Variants in INTS3 observed in about 807,000 individuals in gnomAD.
INTS3 encodes integrator complex subunit 3, also known as SOSS complex subunit A.
A neutral mutation model predicts 146.3 loss-of-function variants in INTS3; 34 were observed. That is an observed-to-expected ratio of 0.23 (90% confidence interval 0.18 to 0.31). INTS3 has a LOEUF of 0.31. Ranked by LOEUF, INTS3 falls within the 10% of genes least tolerant of loss-of-function variation. INTS3 has a pLI of 1.00. For missense variants in INTS3, 757 were observed against 1,304.2 expected, an observed-to-expected ratio of 0.58 and a Z score of 6.46; for synonymous variants, 475 against 494.9, an observed-to-expected ratio of 0.96 and a Z score of 0.53.
chr1:153,740,789 A>G (rs1671500164), intron 2 of INTS3, 55 bp downstream of exon 2: 3 of 1,370,240 alleles, frequency 2.2e-6, no homozygotes, highest in Non-Finnish European at 3.1e-6. Flanking sequence ...GTCTTGAAAC[A>G]TGGTCAAAAA....
At chr1:153,739,628 C>T (rs1007759930) in intron 1 of INTS3, among the ~76,000 whole-genome samples, 2 of 151,930 alleles carry the variant, frequency 1.3e-5, no homozygotes, top group African/African-American at 4.8e-5. Context: ...ACCACCGCAC[C>T]CAGCTAATTT....
chr1:153,740,824 G>A, intron 2 of INTS3, 90 bp downstream of exon 2: 1 of 1,026,992 alleles, frequency 9.7e-7, no homozygotes, highest in Non-Finnish European at 1.5e-6. Context: ...GTGGTTGGGG[G>A]TAGGGGACTG....
At position 153,769,839 on chromosome 1, in the gene INTS3, TACTC is replaced by T; in HGVS notation, c.2386_2389del (p.Leu796PhefsTer4). On this transcript the variant is annotated frameshift_variant and splice_region_variant, in exon 23 of 30. Transcript: ENST00000318967. LOFTEE classifies it high-confidence loss of function. ...TTTCGAAAAGACTCAGTTCTCAACA[TACTC>T]AGTAAGTGATCAAATCTTTAGGTGC... 2 of 1,607,340 alleles carry T rather than the reference TACTC, an allele frequency of 1.2e-6. No individual in the cohort carries two copies. The highest frequency in any genetic ancestry group is 1.7e-6 in the Non-Finnish European group (2 of 1,173,838).
At chr1:153,751,036 A>T in intron 6 of INTS3, 59 bp from the exon 7 acceptor site, 1 of 1,548,366 alleles carries the variant, frequency 6.5e-7, no homozygotes, top group Non-Finnish European at 8.8e-7. Flanking sequence ...AGAAGCGTGA[A>T]TTGGGAGGGT....
chr1:153,751,891 T>TAG (rs1214789938), intron 7 of INTS3, among the ~76,000 whole-genome samples: 1 of 152,236 alleles, frequency 6.6e-6, no homozygotes, highest in African/African-American at 2.4e-5. Context: ...CCCACAGAAT[T>TAG]AGATACTGCA....
chr1:153,758,398 G>GCCCA (rs1672240563), intron 10 of INTS3, among the ~76,000 whole-genome samples: 2 of 152,222 alleles, frequency 1.3e-5, no homozygotes, highest in African/African-American at 2.4e-5. Flanking sequence ...AGCCCAGAAA[G>GCCCA]GGCAGCCAAG....
At chr1:153,756,239 G>C (rs1228889292) in intron 9 of INTS3, among the ~76,000 whole-genome samples, 1 of 150,600 alleles carries the variant, frequency 6.6e-6, no homozygotes, top group African/African-American at 2.4e-5. Context: ...GCTGGGTGTG[G>C]TGGTAGCTAC....
chr1:153,761,648 C>G lies in INTS3; in HGVS notation c.1488C>G (p.Phe496Leu). Residue 496 changes from phenylalanine (F) to leucine (L), a missense_variant, in exon 14 of 30, where the codon TTC becomes TTG. Physicochemically the swap from Phe to Leu is conservative, Grantham distance 22 (BLOSUM62 0). Transcript: ENST00000318967. ...TGCTGAGAGAGAAGTTTCCTGAGTT[C>G]TGCAGCTCACCCTCCCCACCTGTGG... ...RAMLREKFPE[F>L]CSSPSPPVEV... The G allele has an allele frequency of 6.2e-7, 1 of 1,613,384 alleles. No homozygotes were observed. Among genetic ancestry groups the G allele is most frequent in the Non-Finnish European group, 8.5e-7 (1 of 1,179,502 alleles).
At chr1:153,729,734 C>G (rs1670993929) in intron 1 of INTS3, among the ~76,000 whole-genome samples, 1 of 152,004 alleles carries the variant, frequency 6.6e-6, no homozygotes, top group Non-Finnish European at 1.5e-5. Context: ...GGCATGGTGG[C>G]TTGTGCCTGT....
chr1:153,748,632 A>G, intron 5 of INTS3, 57 bp from the exon 6 acceptor site: 5 of 1,399,032 alleles, frequency 3.6e-6, no homozygotes, highest in East Asian at 2.3e-5. Context: ...GAAGAGATGT[A>G]TTGGATTGGC....
rs1672360287 is a variant in INTS3 at position 153,760,919 on chromosome 1, G to A, written c.1409+1G>A. 6.2e-7 allele frequency: 1 copy of A among 1,613,312 alleles called. No individual in the cohort carries two copies. The highest frequency in any genetic ancestry group is 8.5e-7 in the Non-Finnish European group (1 of 1,179,256). On this transcript the variant is annotated splice_donor_variant, in intron 13 of 29. Transcript: ENST00000318967. LOFTEE classifies it high-confidence loss of function. ...ACATTGTGGAGAAACGGGTCTTGGC[G>A]TAAGGAATTTGGTGGGGGAAGGAGG...
rs1282143103 is a variant in INTS3, at chr1:153,772,061, A to C, written c.2720+98A>C. 3 of 1,295,222 alleles carry C rather than the reference A, an allele frequency of 2.3e-6. No individual in the cohort carries two copies. In the African/African-American group the frequency reaches 4.4e-5, roughly 19 times the overall value. The allele number at this position is 1,295,222 out of a possible 1,614,324, so 80.2% of individuals were successfully genotyped here. A position where few individuals can be genotyped will look rare whatever the true frequency, so the allele number is the denominator to read the frequency against. On this transcript the variant is annotated intron_variant, in intron 26 of 29. Transcript: ENST00000318967. The surrounding 1 kb of genome is among the most constrained non-coding windows in gnomAD (Gnocchi z 4.6). ...GGTGGTGGTGGTGGTGATGGGGGTC[A>C]GTGCTGTCCCAGCCTGGTTTGTGGG...
chr1:153,745,531 C>G (rs571716505), intron 3 of INTS3, among the ~76,000 whole-genome samples: 5 of 152,008 alleles, frequency 3.3e-5, no homozygotes, highest in Non-Finnish European at 7.4e-5. Context: ...GGGAAGCTAC[C>G]TGCCTAGTTT....
chr1:153,763,552 C>G (rs1672468170), intron 16 of INTS3, among the ~76,000 whole-genome samples, 190 bp downstream of exon 16: 1 of 152,166 alleles, frequency 6.6e-6, no homozygotes, highest in Admixed American at 6.5e-5. Context: ...GTGGGGCAGC[C>G]TCATTCCGTA....
rs185220170 is a variant in INTS3, at chr1:153,743,793, A to C, written c.318+2425A>C. Among the ~76,000 whole-genome samples, 249 of 152,264 alleles carry C rather than the reference A, an allele frequency of 1.6e-3. 1 individual carries two copies. The highest frequency in any genetic ancestry group is 2.6e-3 in the Non-Finnish European group (179 of 68,012). ...TGCTGGCAGTCAATAGATAAAGGTAATGGGAAAGGGTCTAATGTCAAGGTC... is the reference window on the plus strand; with the variant it reads ...TGCTGGCAGTCAATAGATAAAGGTACTGGGAAAGGGTCTAATGTCAAGGTC... On this transcript the variant is annotated intron_variant, in intron 3 of 29. Coordinates refer to ENST00000318967, the MANE Select transcript of INTS3 (RefSeq NM_023015.5).
chr1:153,759,094 G>A (rs1247324235), intron 10 of INTS3, among the ~76,000 whole-genome samples: 1 of 152,020 alleles, frequency 6.6e-6, no homozygotes, highest in Non-Finnish European at 1.5e-5. Context: ...TCCAGCCTGG[G>A]TGACATGGCA....
chr1:153,771,714 G>C, intron 25 of INTS3, 82 bp from the exon 26 acceptor site: 2 of 1,417,590 alleles, frequency 1.4e-6, no homozygotes, highest in African/African-American at 1.4e-5. Context: ...GGGAGGCCAG[G>C]GCTTGGGAAA....
At chr1:153,760,639 G>A in intron 12 of INTS3, 188 bp from the exon 13 acceptor site, 2 of 632,850 alleles carry the variant, frequency 3.2e-6, no homozygotes, top group Non-Finnish European at 5.6e-6. Context: ...GGTTTCCTTG[G>A]GGAGCAGCCA....
At chr1:153,745,709 T>C (rs969393855) in intron 3 of INTS3, among the ~76,000 whole-genome samples, 1 of 150,138 alleles carries the variant, frequency 6.7e-6, no homozygotes, top group Non-Finnish European at 1.5e-5. Flanking sequence ...ACAGAAGAAA[T>C]TAGCATGCCC....
Sources: gnomAD v4.1 joint callset for allele counts (sites outside exome capture counted in the v4.1 genomes callset) on GRCh38, gnomAD v4.1.1 for gene constraint, Gnocchi (gnomAD v3.1) non-coding constraint, MANE v1.5 for transcripts, NCBI Gene and HGNC (gene_info 2026-07-23, HGNC 2026-07-21) for gene names.